Variants in GPATCH2 observed in about 807,000 individuals in gnomAD.
GPATCH2 encodes the protein G-patch domain containing 2.
Under a neutral mutation model 58.0 loss-of-function variants are expected in GPATCH2, and 51 were observed. The ratio of observed to expected loss-of-function variants is 0.88; its 90% CI spans 0.70 to 1.11. The LOEUF (loss-of-function observed/expected upper bound fraction) is 1.11, where lower values mean the gene tolerates loss of function less well. Among genes scored for constraint, GPATCH2 ranks in the 50% most tolerant of loss-of-function variants. GPATCH2 has a pLI of 0.00. For missense variants in GPATCH2, 625 were observed against 652.2 expected (o/e 0.96, Z 0.45); for synonymous variants, 222 against 218.5 (o/e 1.02, Z -0.14).
chr1:217,575,001 C>T, intron 5 of GPATCH2, among the ~76,000 whole-genome samples: 1 of 152,162 alleles, frequency 6.6e-6, no homozygotes, highest in Non-Finnish European at 1.5e-5. Context: ...AAATGTGGCA[C>T]TTATATGATT....
At chr1:217,442,449 C>A (rs1326224807) in intron 9 of GPATCH2, among the ~76,000 whole-genome samples, 1 of 152,010 alleles carries the variant, frequency 6.6e-6, no homozygotes, top group Non-Finnish European at 1.5e-5. Context: ...ATGTAACAAG[C>A]CTGCACGTTC....
intron 1 of GPATCH2, among the ~76,000 whole-genome samples, chr1:217,626,428 A>G (rs926306035): frequency 6.6e-6 from 1 of 152,166 alleles, no homozygotes; most frequent in Non-Finnish European, 1.5e-5. Context: ...GGTTGGTCCT[A>G]AAAGTATGCA....
At chr1:217,484,559 TA>T (rs1661362120) in intron 8 of GPATCH2, among the ~76,000 whole-genome samples, 1 of 122,102 alleles carries the variant, frequency 8.2e-6, no homozygotes, top group Non-Finnish European at 1.9e-5. Flanking sequence ...TAATTATTTA[TA>T]TATATATATA....
At chr1:217,518,590 C>A (rs1663295619) in intron 5 of GPATCH2, among the ~76,000 whole-genome samples, 1 of 152,142 alleles carries the variant, frequency 6.6e-6, no homozygotes, top group South Asian at 2.1e-4. Context: ...ATCAGGTAAA[C>A]CTATCTGAGA....
intron 5 of GPATCH2, among the ~76,000 whole-genome samples, chr1:217,554,556 C>A (rs1245363240): frequency 6.6e-6 from 1 of 152,156 alleles, no homozygotes; most frequent in South Asian, 2.1e-4. Context: ...ATCACAAATG[C>A]TGTAGTTACT....
chr1:217,629,138 G>C (rs188263842), intron 1 of GPATCH2, among the ~76,000 whole-genome samples: 341 of 152,166 alleles, frequency 2.2e-3, no homozygotes, highest in African/African-American at 7.9e-3. Context: ...TTATTACTGG[G>C]ATCAAACATA....
At chr1:217,574,918 T>C (rs549516141) in intron 5 of GPATCH2, among the ~76,000 whole-genome samples, 187 of 152,334 alleles carry the variant, frequency 1.2e-3, no homozygotes, top group Middle Eastern at 6.8e-3. Context: ...TTCAATCTCA[T>C]ATATTCAGTA....
At chr1:217,596,255 C>T (rs1667823848) in intron 5 of GPATCH2, among the ~76,000 whole-genome samples, 1 of 152,058 alleles carries the variant, frequency 6.6e-6, no homozygotes, top group African/African-American at 2.4e-5. Context: ...AAATATCTGG[C>T]TGAGATATAT....
intron 5 of GPATCH2, among the ~76,000 whole-genome samples, chr1:217,532,328 A>G (rs900250064): frequency 3.9e-5 from 6 of 152,158 alleles, no homozygotes; most frequent in East Asian, 1.9e-4. Flanking sequence ...TATTATCTCA[A>G]TCTTACAAAT....
At position 217,619,851 on chromosome 1, in the gene GPATCH2, C is replaced by T. The variant is rs745704224; in HGVS notation, c.705G>A (p.Thr235=). 16 of 1,613,402 alleles carry T rather than the reference C, an allele frequency of 9.9e-6. No homozygotes were observed. Among genetic ancestry groups the T allele is most frequent in the African/African-American group, 2.7e-5 (2 of 74,838 alleles). ...DEGVVLESEE[T]NQTNKDKMEC... ...CCATTTTGTCCTTATTGGTCTGGTT[C>T]GTTTCCTCACTTTCTAAAACTACTC... The change falls in exon 2 of 10, where the codon ACG becomes ACA. Residue 235 remains threonine (T), a synonymous_variant. Transcript: ENST00000366935.
chr1:217,498,472 C>A, intron 6 of GPATCH2, 77 bp from the exon 7 acceptor site: 1 of 1,076,026 alleles, frequency 9.3e-7, no homozygotes, highest in Non-Finnish European at 1.4e-6. Context: ...GCCGCATGTG[C>A]TTTAAGAAAT....
In GPATCH2 at chr1:217,567,045, G is replaced by GTTTTTTTTTTTTTTTTTTTTTTT. The variant is rs549350813; in HGVS notation, c.1098+43275_1098+43276insAAAAAAAAAAAAAAAAAAAAAAA. ...CATCACTCAGCAAATATAACTTCTG[G>GTTTTTTTTTTTTTTTTTTTTTTT]CTTTTTTTTTTTTTTTTTGAGACGG... On this transcript the variant is annotated intron_variant, in intron 5 of 9. Transcript: ENST00000366935. 3.6e-5 allele frequency among the ~76,000 whole-genome samples: 5 copies of GTTTTTTTTTTTTTTTTTTTTTTT among 140,762 alleles called. 1 individual carries two copies. Among genetic ancestry groups the GTTTTTTTTTTTTTTTTTTTTTTT allele is most frequent in the Non-Finnish European group, 6.1e-5 (4 of 65,432 alleles). The allele number at this position is 140,762 out of a possible 152,430, so 92.3% of individuals were successfully genotyped here. A position where few individuals can be genotyped will look rare whatever the true frequency, so the allele number is the denominator to read the frequency against.
intron 5 of GPATCH2, among the ~76,000 whole-genome samples, chr1:217,582,807 A>G (rs1667135716): frequency 1.3e-5 from 2 of 152,222 alleles, no homozygotes; most frequent in South Asian, 4.1e-4. Flanking sequence ...GATTTCTTAT[A>G]TATCAGTGCC....
intron 9 of GPATCH2, among the ~76,000 whole-genome samples, chr1:217,437,519 C>T (rs896336630): frequency 7.9e-5 from 12 of 152,260 alleles, no homozygotes; most frequent in Non-Finnish European, 1.0e-4. Context: ...AGTCTGAAGC[C>T]GACCTGGGAT....
chr1:217,549,760 G>T (rs959432618), intron 5 of GPATCH2, among the ~76,000 whole-genome samples: 2 of 152,092 alleles, frequency 1.3e-5, no homozygotes, highest in African/African-American at 4.8e-5. Context: ...AACATAGAAA[G>T]ACTTCCTAAT....
rs141410820 is a variant in GPATCH2, at chr1:217,456,047, T to C, written c.1278-6710A>G. 3.8e-4 allele frequency among the ~76,000 whole-genome samples: 58 copies of C among 152,198 alleles called. 1 individual carries two copies. In the East Asian group the frequency reaches 0.011, roughly 28 times the overall value. ...CTTCCCAGCTCCCCATCCATCTCAC[T>C]GAAAGCCATCTCCACCACTCAATAA... On this transcript the variant is annotated intron_variant, in intron 8 of 9. Transcript: ENST00000366935.
At chr1:217,615,723 T>C (rs1668854142) in intron 2 of GPATCH2, among the ~76,000 whole-genome samples, 1 of 152,126 alleles carries the variant, frequency 6.6e-6, no homozygotes, top group South Asian at 2.1e-4. Context: ...GGGATAGTAC[T>C]CCATAAAACA....
At chr1:217,500,295 C>G (rs1010326225) in intron 6 of GPATCH2, among the ~76,000 whole-genome samples, 26 of 152,124 alleles carry the variant, frequency 1.7e-4, no homozygotes, top group Middle Eastern at 3.4e-3. Context: ...CCTCCCTCCT[C>G]TTCAGCCTCC....
At chr1:217,567,050 T>TG (rs1270288587) in intron 5 of GPATCH2, among the ~76,000 whole-genome samples, 2 of 150,838 alleles carry the variant, frequency 1.3e-5, no homozygotes, top group South Asian at 2.1e-4. Flanking sequence ...TTCTGGCTTT[T>TG]TTTTTTTTTT....
Sources: gnomAD v4.1 joint callset for allele counts (sites outside exome capture counted in the v4.1 genomes callset) on GRCh38, gnomAD v4.1.1 for gene constraint, MANE v1.5 for transcripts, NCBI Gene and HGNC (gene_info 2026-07-23, HGNC 2026-07-21) for gene names.